PPP4R4: variants seen among roughly 807,000 people sequenced by gnomAD.
PPP4R4 encodes the protein protein phosphatase 4 regulatory subunit 4.
A neutral mutation model predicts 121.8 loss-of-function variants in PPP4R4; 70 were observed. The ratio of observed to expected loss-of-function variants is 0.57; its 90% CI spans 0.47 to 0.70. The LOEUF is 0.70. Ranked by LOEUF, PPP4R4 falls within the 30% of genes least tolerant of loss-of-function variation. PPP4R4 has a pLI of 0.00. For missense variants in PPP4R4, 875 were observed against 1,033.6 expected (o/e 0.85, Z 2.10); for synonymous variants, 348 against 355.7 (o/e 0.98, Z 0.24).
chr14:94,257,773 G>T (rs1288105540), intron 17 of PPP4R4, among the ~76,000 whole-genome samples: 2 of 151,842 alleles, frequency 1.3e-5, no homozygotes, highest in East Asian at 1.9e-4. Flanking sequence ...ACATGAGATG[G>T]TTAATTACTT....
chr14:94,259,312 T>A lies in PPP4R4; in HGVS notation c.2070T>A (p.Tyr690Ter), dbSNP rs1301013433. ...TTAAACAGTTTCAGAAAAAGTTTTA[T>A]GAGAAAGATTTGTTGGATCAAGAGA... ...MSMDAFQKKF[Y>*]EKDLLDQEKE... The change falls in exon 19 of 25, where the codon TAT becomes TAA. Residue 690 changes from tyrosine (Y) to a stop codon, truncating the protein, a stop_gained. Transcript: ENST00000304338. LOFTEE classifies it high-confidence loss of function. 6.2e-7 allele frequency: 1 copy of A among 1,607,012 alleles called. No homozygotes were observed. The highest frequency in any genetic ancestry group is 1.3e-5 in the African/African-American group (1 of 74,378).
intron 21 of PPP4R4, 47 bp downstream of exon 21, chr14:94,265,520 G>A: frequency 6.7e-7 from 1 of 1,482,900 alleles, no homozygotes; most frequent in Non-Finnish European, 9.4e-7. Flanking sequence ...TTTCTTCCTT[G>A]TATACAAATT....
intron 2 of PPP4R4, among the ~76,000 whole-genome samples, chr14:94,182,823 T>A (rs1889061682): frequency 6.6e-6 from 1 of 152,210 alleles, no homozygotes; most frequent in Non-Finnish European, 1.5e-5. Context: ...TATGCCTATG[T>A]CCAGCTTAAA....
At position 94,174,362 on chromosome 14, in the gene PPP4R4, G is replaced by C; in HGVS notation, c.-104G>C. 3 of 1,053,090 alleles carry C rather than the reference G, an allele frequency of 2.8e-6. No homozygotes were observed. In the South Asian group the frequency reaches 1.1e-4, roughly 38 times the overall value. 65.2% of individuals were successfully genotyped at this position (1,053,090 alleles called of 1,614,324 possible). ...TGGCAGCCTCACGCTCGGCTCCAGC[G>C]GCCAAGAGCCGGAGAAAGTCCTGCT... On this transcript the variant is annotated 5_prime_UTR_variant, in exon 1 of 25. Transcript: ENST00000304338.
intron 20 of PPP4R4, 52 bp from the exon 21 acceptor site, chr14:94,265,335 A>T (rs1893985209): frequency 7.6e-7 from 1 of 1,312,748 alleles, no homozygotes; most frequent in Non-Finnish European, 1.1e-6. Flanking sequence ...ATTTATGGAG[A>T]TTAATAAGGA....
At chr14:94,180,264 G>A (rs540983587) in intron 2 of PPP4R4, among the ~76,000 whole-genome samples, 2 of 152,286 alleles carry the variant, frequency 1.3e-5, no homozygotes, top group Admixed American at 1.3e-4. Context: ...AACGGACAAA[G>A]TATACCAACT....
intron 19 of PPP4R4, among the ~76,000 whole-genome samples, chr14:94,259,630 A>G (rs950444593): frequency 3.3e-5 from 5 of 152,222 alleles, no homozygotes; most frequent in Non-Finnish European, 7.3e-5. Context: ...GAATTTTGAC[A>G]TATCGATGAA....
intron 2 of PPP4R4, among the ~76,000 whole-genome samples, chr14:94,207,068 T>C (rs184926262): frequency 2.0e-5 from 3 of 152,148 alleles, no homozygotes; most frequent in Admixed American, 1.3e-4. Context: ...ACACTTGCTA[T>C]TGGATTTAGG....
At chr14:94,191,550 G>C (rs1258344087) in intron 2 of PPP4R4, among the ~76,000 whole-genome samples, 1 of 152,022 alleles carries the variant, frequency 6.6e-6, no homozygotes, top group African/African-American at 2.4e-5. Flanking sequence ...CTAAATTGTT[G>C]TTAATCGTAT....
At chr14:94,175,976 T>C in intron 1 of PPP4R4, 78 bp from the exon 2 acceptor site, 1 of 1,095,330 alleles carries the variant, frequency 9.1e-7, no homozygotes, top group South Asian at 1.2e-5. Context: ...TTTATCCTCA[T>C]AGAGGGTCAC....
chr14:94,265,991 T>G lies in PPP4R4; in HGVS notation c.2378+104T>G. The stretch of plus-strand genomic sequence containing the variant: ...ATAAAAATCAGAATTAATTTTGAGG[T>G]TTTTTTATAGGCCAGTATTTTGTGA... On this transcript the variant is annotated intron_variant, in intron 22 of 24. Transcript: ENST00000304338. 4.9e-6 allele frequency: 4 copies of G among 817,772 alleles called. No individual in the cohort carries two copies. The South Asian group carries it at 9.5e-5, about 19-fold the overall frequency. 50.7% of individuals were successfully genotyped at this position (817,772 alleles called of 1,614,324 possible). A position where few individuals can be genotyped will look rare whatever the true frequency, so the allele number is the denominator to read the frequency against.
At chr14:94,188,511 C>T (rs1889414547) in intron 2 of PPP4R4, among the ~76,000 whole-genome samples, 2 of 151,986 alleles carry the variant, frequency 1.3e-5, no homozygotes, top group African/African-American at 4.8e-5. Flanking sequence ...GCATATGGAC[C>T]TAGTCTTTGG....
intron 16 of PPP4R4, among the ~76,000 whole-genome samples, chr14:94,255,185 G>A (rs1173213880): frequency 1.3e-5 from 2 of 152,128 alleles, no homozygotes; most frequent in Admixed American, 1.3e-4. Context: ...TGCTCCTTCT[G>A]TAGTCTTCTC....
chr14:94,229,374 A>G (rs8020613), intron 3 of PPP4R4, among the ~76,000 whole-genome samples: 35,374 of 151,826 alleles, frequency 0.23, 4,921 homozygotes, highest in East Asian at 0.59. Flanking sequence ...GGATGACCCC[A>G]CAGTTTTTGG....
intron 2 of PPP4R4, among the ~76,000 whole-genome samples, chr14:94,204,661 A>T (rs1890366363): frequency 6.6e-6 from 1 of 152,164 alleles, no homozygotes; most frequent in Non-Finnish European, 1.5e-5. Context: ...AAAGCTGTAT[A>T]CCACTTTGGG....
chr14:94,241,887 T>C lies in PPP4R4; in HGVS notation c.1076T>C (p.Ile359Thr). The C allele has an allele frequency of 6.2e-7, 1 of 1,611,176 alleles. No individual in the cohort carries two copies. The highest frequency in any genetic ancestry group is 8.5e-7 in the Non-Finnish European group (1 of 1,178,588). The change falls in exon 10 of 25, where the codon ATT (isoleucine) becomes ACT (threonine). Residue 359 changes from isoleucine to threonine, a missense_variant. Transcript: ENST00000304338. ...GAAAATGGACACAATGAAAACCAGA[T>C]TCCACCCCAAATCCTAGAGCAGGAG... The part of the protein sequence containing the change: ...QQENGHNENQ[I>T]PPQILEQEKK...
chr14:94,254,636 C>T (rs892403850), intron 16 of PPP4R4, among the ~76,000 whole-genome samples: 1 of 152,066 alleles, frequency 6.6e-6, no homozygotes, highest in South Asian at 2.1e-4. Flanking sequence ...AAATGGGATT[C>T]AGGTGTCTCA....
Position 94,218,730 on chromosome 14 carries a change from G to A in PPP4R4, c.294+10164G>A, listed in dbSNP as rs576001140. Among the ~76,000 whole-genome samples, 26 of 110,164 alleles carry A rather than the reference G, an allele frequency of 2.4e-4. No homozygotes were observed. In the East Asian group the frequency reaches 6.1e-3, roughly 26 times the overall value. 72.3% of individuals were successfully genotyped at this position (110,164 alleles called of 152,430 possible). A position where few individuals can be genotyped will look rare whatever the true frequency, so the allele number is the denominator to read the frequency against. ...GCACACACCCTCACCCCTAGACACCGCACGTGCGCGCGCGCACACACACAC... is the reference window on the plus strand; with the variant it reads ...GCACACACCCTCACCCCTAGACACCACACGTGCGCGCGCGCACACACACAC... On this transcript the variant is annotated intron_variant, in intron 3 of 24. Coordinates refer to ENST00000304338, the MANE Select transcript of PPP4R4 (RefSeq NM_058237.2).
At chr14:94,259,394 C>T (rs536759433) in intron 19 of PPP4R4, 25 bp downstream of exon 19, 3 of 1,555,666 alleles carry the variant, frequency 1.9e-6, no homozygotes, top group East Asian at 2.3e-5. Flanking sequence ...CATGCACACA[C>T]ATATACTCTT....
Sources: allele counts gnomAD v4.1 joint callset (sites outside exome capture counted in the v4.1 genomes callset), GRCh38; gene constraint gnomAD v4.1.1; transcripts MANE v1.5; gene names NCBI Gene and HGNC (gene_info 2026-07-23, HGNC 2026-07-21).